PYROXD2: variants seen among roughly 807,000 people sequenced by gnomAD.
PYROXD2 encodes pyridine nucleotide-disulphide oxidoreductase domain 2.
Under a neutral mutation model 71.1 loss-of-function variants are expected in PYROXD2, and 69 were observed. The observed-to-expected ratio is 0.97, with a 90% CI of 0.80 to 1.19. The LOEUF (loss-of-function observed/expected upper bound fraction) is 1.19, where lower values mean the gene tolerates loss of function less well. Among genes scored for constraint, PYROXD2 ranks in the 50% most tolerant of loss-of-function variants. The probability of loss-of-function intolerance (pLI) is 0.00; values close to 1 mark genes in which losing one functional copy is unlikely to be tolerated. For missense variants in PYROXD2, 745 were observed against 748.9 expected, an observed-to-expected ratio of 0.99 and a Z score of 0.06; for synonymous variants, 287 against 302.7, an observed-to-expected ratio of 0.95 and a Z score of 0.54.
intron 15 of PYROXD2, among the ~76,000 whole-genome samples, 154 bp downstream of exon 15, chr10:98,384,793 G>T (rs569262699): frequency 5.9e-5 from 9 of 152,292 alleles, no homozygotes; most frequent in African/African-American, 2.2e-4. Flanking sequence ...ACCTGTGCAT[G>T]GATAATTCTG....
rs1270484073 is a variant in PYROXD2, at chr10:98,384,927, T to C, written c.1675+20A>G. On this transcript the variant is annotated intron_variant, in intron 15 of 15. Transcript: ENST00000370575. The stretch of plus-strand genomic sequence containing the variant: ...AGCCCTCCCAGTCCCCACAGGGTAG[T>C]GGGACTCCAGGTCACTCACCAGGAT... The C allele has an allele frequency of 6.9e-6, 11 of 1,604,468 alleles. 1 individual carries two copies. Among genetic ancestry groups the C allele is most frequent in the African/African-American group, 6.7e-5 (5 of 74,736 alleles).
chr10:98,401,079 C>G (rs1290853232), intron 4 of PYROXD2, among the ~76,000 whole-genome samples: 1 of 151,812 alleles, frequency 6.6e-6, no homozygotes, highest in Non-Finnish European at 1.5e-5. Context: ...ATGGTGAAAC[C>G]CCGTCTCTAG....
intron 4 of PYROXD2, 103 bp downstream of exon 4, chr10:98,407,479 G>A (rs10883090): frequency 7.2e-7 from 1 of 1,386,384 alleles, no homozygotes; most frequent in South Asian, 1.2e-5. Flanking sequence ...GAGCCCTCAG[G>A]GGCGGGCATC....
intron 1 of PYROXD2, 105 bp from the exon 2 acceptor site, chr10:98,411,063 A>G: frequency 1.3e-6 from 2 of 1,512,286 alleles, no homozygotes. Context: ...CATGCCATGA[A>G]GATCCTTGGT....
intron 2 of PYROXD2, 47 bp from the exon 3 acceptor site, chr10:98,408,044 A>T: frequency 6.5e-7 from 1 of 1,548,194 alleles, no homozygotes; most frequent in Non-Finnish European, 8.8e-7. Flanking sequence ...TCCCTCTGAA[A>T]TGTCAGGGCT....
In PYROXD2 at chr10:98,385,091, T is replaced by C. The variant is rs112882382; in HGVS notation, c.1555-24A>G. The C allele has an allele frequency of 2.7e-3, 4,301 of 1,613,100 alleles. 113 individuals carry two copies. In the African/African-American group the frequency reaches 0.049, roughly 18 times the overall value. On this transcript the variant is annotated intron_variant, in intron 14 of 15. Coordinates refer to ENST00000370575, the MANE Select transcript of PYROXD2 (RefSeq NM_032709.3). ...TTCTGCAGAGGCAGGGCCACAGTCA[T>C]CAGCACAGGAGAGTTACAGCCTTTC... is the stretch of plus-strand genomic sequence containing the variant.
rs1319027119 is a variant in PYROXD2, at chr10:98,413,386, C to A, written c.127+1623G>T. On this transcript the variant is annotated intron_variant, in intron 1 of 15. Coordinates refer to ENST00000370575, the MANE Select transcript of PYROXD2 (RefSeq NM_032709.3). ...TGAAGGAAATATTCTAGTATTAGAA[C>A]AATATTATCTTATTTGAGTAACATC... Among the ~76,000 whole-genome samples, 7 of 152,296 alleles carry A rather than the reference C, an allele frequency of 4.6e-5. No homozygotes were observed. The South Asian group carries it at 1.5e-3, about 32-fold the overall frequency.
chr10:98,396,404 A>C (rs1226542314), intron 6 of PYROXD2, among the ~76,000 whole-genome samples: 1 of 152,198 alleles, frequency 6.6e-6, no homozygotes, highest in Non-Finnish European at 1.5e-5. Context: ...CACATGCCTG[A>C]GACCAAACCA....
At chr10:98,388,530 G>T (rs766662734) in intron 12 of PYROXD2, 22 bp from the exon 13 acceptor site, 4 of 1,559,716 alleles carry the variant, frequency 2.6e-6, no homozygotes, top group East Asian at 4.6e-5. Flanking sequence ...GGGAGGAGAC[G>T]GCAGGTCTAA....
chr10:98,397,273 T>C, intron 6 of PYROXD2, 72 bp downstream of exon 6: 1 of 1,485,314 alleles, frequency 6.7e-7, no homozygotes, highest in Non-Finnish European at 9.0e-7. Context: ...GGCTTGTGTC[T>C]AGGCATCGAG....
At chr10:98,396,838 C>A (rs1488752463) in intron 6 of PYROXD2, among the ~76,000 whole-genome samples, 1 of 152,158 alleles carries the variant, frequency 6.6e-6, no homozygotes, top group Non-Finnish European at 1.5e-5. Flanking sequence ...TACTTGGCAC[C>A]CACAGATGCA....
rs1465761206 is a variant in PYROXD2 at position 98,407,947 on chromosome 10, G to A, written c.198C>T (p.Arg66=). The A allele has an allele frequency of 1.2e-6, 2 of 1,611,154 alleles. No individual in the cohort carries two copies. The highest frequency in any genetic ancestry group is 1.3e-5 in the African/African-American group (1 of 74,882). ...LGVNTAVFER[R]HVIGGAAVTE... is the part of the protein sequence containing the mutation. ...TGACAGCTGCACCCCCGATCACATG[G>A]CGCCTCTCGAAGACGGCGGTGTTCA... is the stretch of plus-strand genomic sequence containing the variant. Residue 66 remains arginine (R), a synonymous_variant, in exon 3 of 16, where the codon CGC becomes CGT. Coordinates refer to ENST00000370575, the MANE Select transcript of PYROXD2 (RefSeq NM_032709.3).
At chr10:98,392,779 G>T (rs1000562093) in intron 9 of PYROXD2, among the ~76,000 whole-genome samples, 163 bp downstream of exon 9, 1 of 152,168 alleles carries the variant, frequency 6.6e-6, no homozygotes, top group Admixed American at 6.5e-5. Context: ...CAAGGGGGTG[G>T]TTAGCCACTA....
rs189787470 is a variant in PYROXD2 at position 98,407,569 on chromosome 10, G to T, written c.315+13C>A. 1.2e-6 allele frequency: 2 copies of T among 1,610,890 alleles called. No individual in the cohort carries two copies. Among genetic ancestry groups the T allele is most frequent in the Admixed American group, 1.7e-5 (1 of 59,860 alleles). ...CCTCCCTCCGTGCAATCGGGCCGGCGGGGGGGCCCTACCTTCAGCTCCAGA... is the reference window on the plus strand; with the variant it reads ...CCTCCCTCCGTGCAATCGGGCCGGCTGGGGGGCCCTACCTTCAGCTCCAGA... On this transcript the variant is annotated intron_variant, in intron 4 of 15. Transcript: ENST00000370575.
chr10:98,392,501 T>G lies in PYROXD2; in HGVS notation c.993A>C (p.Thr331=). ...ACAGCACCATTTTGCTTCTCACCTC[T>G]GTGCCATCTTCCAGCACAACTCCTT... ...CVQGVVLEDG[T]EVRSKMVLSN... Residue 331 remains threonine (T), a synonymous_variant, in exon 10 of 16, where the codon ACA becomes ACC. Coordinates refer to ENST00000370575, the MANE Select transcript of PYROXD2 (RefSeq NM_032709.3). 6.2e-7 allele frequency: 1 copy of G among 1,613,852 alleles called. No homozygotes were observed. Among genetic ancestry groups the G allele is most frequent in the South Asian group, 1.1e-5 (1 of 91,088 alleles).
intron 14 of PYROXD2, among the ~76,000 whole-genome samples, chr10:98,385,777 C>T (rs999799581): frequency 2.0e-5 from 3 of 152,298 alleles, no homozygotes; most frequent in South Asian, 2.1e-4. Flanking sequence ...TGTGCCTACC[C>T]TTCACATCAC....
chr10:98,384,520 G>A (rs113914254), intron 15 of PYROXD2, among the ~76,000 whole-genome samples: 2,521 of 152,342 alleles, frequency 0.017, 75 homozygotes, highest in African/African-American at 0.057. Flanking sequence ...CAGAGGCCGA[G>A]GCAGGAGGAT....
chr10:98,409,727 G>A (rs1395753861), intron 2 of PYROXD2, among the ~76,000 whole-genome samples: 1 of 152,228 alleles, frequency 6.6e-6, no homozygotes, highest in African/African-American at 2.4e-5. Flanking sequence ...GAGAGGCTAA[G>A]TGACACCTTA....
At chr10:98,386,913 GAA>G (rs2135917592) in intron 14 of PYROXD2, among the ~76,000 whole-genome samples, 1 of 152,296 alleles carries the variant, frequency 6.6e-6, no homozygotes, top group East Asian at 1.9e-4. Flanking sequence ...TCTCTCTCAA[GAA>G]AGTCAGATGG....
Sources: allele counts gnomAD v4.1 joint callset (sites outside exome capture counted in the v4.1 genomes callset), GRCh38; gene constraint gnomAD v4.1.1; transcripts MANE v1.5; gene names NCBI Gene and HGNC (gene_info 2026-07-23, HGNC 2026-07-21).